INPP4B: variants seen among roughly 807,000 people sequenced by gnomAD.
INPP4B encodes inositol polyphosphate-4-phosphatase type II B.
A neutral mutation model predicts 122.5 loss-of-function variants in INPP4B; 55 were observed. That is an observed-to-expected ratio of 0.45 (90% CI 0.36 to 0.56). The LOEUF (loss-of-function observed/expected upper bound fraction) is 0.56. INPP4B is among the 20% of genes least tolerant of loss of function. The probability of loss-of-function intolerance (pLI) is 0.00; values close to 1 mark genes in which losing one functional copy is unlikely to be tolerated. For synonymous variants in INPP4B, 403 were observed against 388.7 expected, an observed-to-expected ratio of 1.04 and a Z score of -0.43; for missense variants, 1,000 against 1,097.7, an observed-to-expected ratio of 0.91 and a Z score of 1.26.
intron 2 of INPP4B, among the ~76,000 whole-genome samples, chr4:142,630,366 T>A (rs1294171139): frequency 6.6e-6 from 1 of 152,158 alleles, no homozygotes; most frequent in Non-Finnish European, 1.5e-5. Context: ...TTTTATTTTT[T>A]AAATCAAATT....
chr4:142,751,473 C>A (rs1207021333), intron 1 of INPP4B, among the ~76,000 whole-genome samples: 1 of 142,396 alleles, frequency 7.0e-6, no homozygotes, highest in East Asian at 2.0e-4. Context: ...CATCTCCTAA[C>A]ACATACTTTG....
intron 17 of INPP4B, among the ~76,000 whole-genome samples, chr4:142,160,133 A>G (rs1819361186): frequency 6.6e-6 from 1 of 152,046 alleles, no homozygotes; most frequent in African/African-American, 2.4e-5. Context: ...CTTGGATGAC[A>G]GATTCTCACT....
At chr4:142,116,584 A>G (rs933022737) in intron 21 of INPP4B, among the ~76,000 whole-genome samples, 47 of 152,046 alleles carry the variant, frequency 3.1e-4, no homozygotes, top group Admixed American at 1.3e-4. Context: ...ACGAAATGAA[A>G]GCAGAAATAA....
chr4:142,838,108 C>G (rs1266121977), intron 1 of INPP4B, among the ~76,000 whole-genome samples: 1 of 151,238 alleles, frequency 6.6e-6, no homozygotes, highest in African/African-American at 2.4e-5. Context: ...TAGTAAGACT[C>G]AATCAATAAT....
chr4:142,087,198 T>A (rs1257619318), intron 23 of INPP4B, among the ~76,000 whole-genome samples: 1 of 152,084 alleles, frequency 6.6e-6, no homozygotes, highest in Non-Finnish European at 1.5e-5. Flanking sequence ...TGCCAGTGTC[T>A]CCTGACAGAA....
At chr4:142,677,675 A>C (rs2150667458) in intron 2 of INPP4B, among the ~76,000 whole-genome samples, 1 of 152,276 alleles carries the variant, frequency 6.6e-6, no homozygotes, top group Non-Finnish European at 1.5e-5. Context: ...AAAAAGGATG[A>C]GTTCATGTCT....
chr4:142,296,893 G>C (rs1296128358), intron 9 of INPP4B, among the ~76,000 whole-genome samples: 7 of 152,110 alleles, frequency 4.6e-5, no homozygotes, highest in Admixed American at 6.6e-5. Context: ...CTTTAACAGA[G>C]TTAACATAAA....
intron 2 of INPP4B, among the ~76,000 whole-genome samples, chr4:142,552,914 C>G (rs1044293340): frequency 1.3e-5 from 2 of 152,142 alleles, no homozygotes; most frequent in African/African-American, 4.8e-5. Context: ...CTCTCTATAT[C>G]TCCTACCTTC....
intron 5 of INPP4B, among the ~76,000 whole-genome samples, chr4:142,428,912 G>GC (rs1274364502): frequency 1.3e-5 from 2 of 151,994 alleles, no homozygotes; most frequent in Admixed American, 1.3e-4. Context: ...ACGTTAGACT[G>GC]AGTGCTGGGC....
chr4:142,375,034 T>G (rs1254709437), intron 7 of INPP4B, among the ~76,000 whole-genome samples: 1 of 151,928 alleles, frequency 6.6e-6, no homozygotes, highest in Non-Finnish European at 1.5e-5. Context: ...ACACTCCTTT[T>G]CTCTTCCTTC....
rs189240302 is a variant in INPP4B at position 142,756,203 on chromosome 4, G to A, written c.-253-30302C>T. ...CTCCTCGATGTTGTCATGTCTACAT[G>A]TTATAAAACTGTAGCAGCCATTTTG... is the stretch of plus-strand genomic sequence containing the variant. On this transcript the variant is annotated intron_variant, in intron 1 of 25. Transcript: ENST00000262992. Among the ~76,000 whole-genome samples the A allele has an allele frequency of 2.4e-3, 368 of 152,144 alleles. 1 individual carries two copies. The highest frequency in any genetic ancestry group is 8.4e-3 in the African/African-American group (350 of 41,552).
chr4:142,448,385 T>TAAAC (rs911380879), intron 3 of INPP4B, among the ~76,000 whole-genome samples: 18 of 146,606 alleles, frequency 1.2e-4, no homozygotes, highest in Non-Finnish European at 2.5e-4. Flanking sequence ...GCTGATGATG[T>TAAAC]AAACTTTCAA....
chr4:142,684,197 C>G (rs1287316516), intron 2 of INPP4B, among the ~76,000 whole-genome samples: 3 of 151,978 alleles, frequency 2.0e-5, no homozygotes, highest in African/African-American at 7.2e-5. Context: ...TTGCTGCCAG[C>G]CAACAAGGTT....
intron 9 of INPP4B, among the ~76,000 whole-genome samples, chr4:142,298,099 AAAAC>A (rs149202589): frequency 6.6e-4 from 101 of 152,116 alleles, no homozygotes; most frequent in African/African-American, 2.2e-3. Flanking sequence ...CCTAAGGCAA[AAAAC>A]AAACAAACAA....
At chr4:142,599,883 T>A (rs1045521121) in intron 2 of INPP4B, among the ~76,000 whole-genome samples, 2 of 151,620 alleles carry the variant, frequency 1.3e-5, no homozygotes, top group Non-Finnish European at 2.9e-5. Flanking sequence ...TTTAATGAAA[T>A]ACAAGGTACA....
intron 9 of INPP4B, among the ~76,000 whole-genome samples, chr4:142,302,251 T>C (rs1486038165): frequency 6.6e-6 from 1 of 152,130 alleles, no homozygotes; most frequent in Non-Finnish European, 1.5e-5. Context: ...ACTCTTCTAG[T>C]CATCACCTTC....
At chr4:142,327,918 C>A (rs538580190) in intron 7 of INPP4B, among the ~76,000 whole-genome samples, 1 of 152,268 alleles carries the variant, frequency 6.6e-6, no homozygotes, top group South Asian at 2.1e-4. Context: ...AAAACCAATG[C>A]ATTTAACCCT....
chr4:142,449,194 G>A (rs1813593763), intron 3 of INPP4B, among the ~76,000 whole-genome samples: 1 of 152,154 alleles, frequency 6.6e-6, no homozygotes, highest in Non-Finnish European at 1.5e-5. Flanking sequence ...GACTAACACT[G>A]CAACTAGTTA....
At chr4:142,042,516 GTGTATGTATGTATGTATGTATGTA>G (rs3043168) in intron 25 of INPP4B, among the ~76,000 whole-genome samples, 101 of 48,196 alleles carry the variant, frequency 2.1e-3, no homozygotes, top group African/African-American at 3.9e-3. Flanking sequence ...TTATGTGTGT[GTGTATGTATGTATGTATGTATGTA>G]TGTATGTATG....
Sources: allele counts gnomAD v4.1 joint callset (sites outside exome capture counted in the v4.1 genomes callset), GRCh38; gene constraint gnomAD v4.1.1; transcripts MANE v1.5; gene names NCBI Gene and HGNC (gene_info 2026-07-23, HGNC 2026-07-21).